Variants in LGSN observed in about 807,000 individuals in gnomAD.
LGSN encodes the protein lengsin.
In LGSN, 21 loss-of-function variants were observed where a neutral mutation model predicts 19.5. The ratio of observed to expected loss-of-function variants is 1.07; its 90% CI spans 0.76 to 1.55. The LOEUF (loss-of-function observed/expected upper bound fraction) is 1.55, where lower values mean the gene tolerates loss of function less well. Ranked by LOEUF, LGSN falls within the 40% of genes most tolerant of loss-of-function variation. LGSN has a pLI of 0.00. For missense variants in LGSN, 673 were observed against 608.5 expected, an observed-to-expected ratio of 1.11 and a Z score of -1.12; for synonymous variants, 257 against 215.6, an observed-to-expected ratio of 1.19 and a Z score of -1.68.
chr6:63,412,513 A>AGAAAGAAG, the LGSN span, among the ~76,000 whole-genome samples: 322 of 113,788 alleles, frequency 2.8e-3, no homozygotes, highest in East Asian at 3.9e-3. Flanking sequence ...AAAGAAAGAA[A>AGAAAGAAG]GAAAGAAAGA....
In LGSN at chr6:63,278,033, C is replaced by G. The variant is rs545881294; in HGVS notation, c.*1988G>C. 1 of 151,270 alleles carries G rather than the reference C, an allele frequency of 6.6e-6. No individual in the cohort carries two copies. Among genetic ancestry groups the G allele is most frequent in the African/African-American group, 2.4e-5 (1 of 41,176 alleles). The allele number at this position is 151,270 out of a possible 1,614,324, so 9.4% of individuals were successfully genotyped here. A position where few individuals can be genotyped will look rare whatever the true frequency, so the allele number is the denominator to read the frequency against. ...AGGTTGCAGTGAGCCAAGACCCCCCCACATTGCACTTCAGCCTGGGTGACA... is the reference window on the plus strand; with the variant it reads ...AGGTTGCAGTGAGCCAAGACCCCCCGACATTGCACTTCAGCCTGGGTGACA... On this transcript the variant is annotated 3_prime_UTR_variant, in exon 4 of 4. Coordinates refer to ENST00000370657, the MANE Select transcript of LGSN (RefSeq NM_016571.3).
the LGSN span, among the ~76,000 whole-genome samples, chr6:63,371,228 C>G: frequency 6.6e-6 from 1 of 152,208 alleles, no homozygotes; most frequent in African/African-American, 2.4e-5. Context: ...ATCCTGGGTG[C>G]TCTTCTAATG....
chr6:63,430,732 C>A, the LGSN span, among the ~76,000 whole-genome samples: 1 of 152,042 alleles, frequency 6.6e-6, no homozygotes, highest in Non-Finnish European at 1.5e-5. Flanking sequence ...GTGTTCCCTG[C>A]CAAGAGTCCA....
the LGSN span, among the ~76,000 whole-genome samples, chr6:63,476,101 T>G: frequency 0.012 from 1,889 of 152,136 alleles, 33 homozygotes; most frequent in African/African-American, 0.042. Flanking sequence ...TGTTTTTTGG[T>G]TTTTTTTACT....
the LGSN span, among the ~76,000 whole-genome samples, chr6:63,519,960 A>G: frequency 6.6e-6 from 1 of 152,328 alleles, no homozygotes; most frequent in East Asian, 1.9e-4. Context: ...GTAGATAATA[A>G]TTTTTACCCT....
the LGSN span, among the ~76,000 whole-genome samples, chr6:63,405,323 T>G: frequency 6.6e-6 from 1 of 152,144 alleles, no homozygotes; most frequent in Non-Finnish European, 1.5e-5. Context: ...ATATACCCAG[T>G]AATGGGATGG....
At chr6:63,354,794 T>C in the LGSN span, among the ~76,000 whole-genome samples, 46 of 152,182 alleles carry the variant, frequency 3.0e-4, no homozygotes, top group African/African-American at 1.1e-3. Flanking sequence ...GAATACTATT[T>C]AGCCATAAAA....
intron 2 of LGSN, among the ~76,000 whole-genome samples, chr6:63,286,988 C>G (rs79099456): frequency 0.037 from 5,625 of 152,216 alleles, 350 homozygotes; most frequent in African/African-American, 0.13. Flanking sequence ...AAGTCTGCAT[C>G]CAAACACCCA....
the LGSN span, among the ~76,000 whole-genome samples, chr6:63,400,499 A>G: frequency 6.6e-6 from 1 of 152,228 alleles, no homozygotes; most frequent in Non-Finnish European, 1.5e-5. Context: ...AAGATTAAAT[A>G]CAGTCAAGGG....
chr6:63,281,330 T>TATATATATATATATAA (rs1360072081), intron 3 of LGSN, 110 bp from the exon 4 acceptor site: 1 of 149,520 alleles, frequency 6.7e-6, no homozygotes, highest in Non-Finnish European at 1.3e-5. Context: ...TATATATATA[T>TATATATATATATATAA]AATAAATATA....
chr6:63,287,386 T>C (rs115711407), intron 2 of LGSN, among the ~76,000 whole-genome samples: 1 of 152,234 alleles, frequency 6.6e-6, no homozygotes, highest in African/African-American at 2.4e-5. Flanking sequence ...ACAAAATGTA[T>C]AGGCATTTTA....
chr6:63,283,853 C>G (rs1020580312), intron 3 of LGSN, among the ~76,000 whole-genome samples: 2 of 152,048 alleles, frequency 1.3e-5, no homozygotes, highest in African/African-American at 4.8e-5. Context: ...GCCCCTGCCA[C>G]CAGGCCCAGC....
At chr6:63,407,916 A>C in the LGSN span, among the ~76,000 whole-genome samples, 2 of 152,246 alleles carry the variant, frequency 1.3e-5, no homozygotes, top group Admixed American at 1.3e-4. Context: ...TCATGAGTGA[A>C]CTCCCATTCA....
chr6:63,552,414 T>A, the LGSN span, among the ~76,000 whole-genome samples: 1 of 152,188 alleles, frequency 6.6e-6, no homozygotes, highest in Non-Finnish European at 1.5e-5. Context: ...GTTTGAGTTC[T>A]TTGTAGATTC....
chr6:63,564,907 G>T, the LGSN span, among the ~76,000 whole-genome samples: 1 of 152,152 alleles, frequency 6.6e-6, no homozygotes, highest in Non-Finnish European at 1.5e-5. Context: ...ATGAGTTATG[G>T]ATAGATTCAT....
chr6:63,530,934 C>G, the LGSN span, among the ~76,000 whole-genome samples: 1 of 152,046 alleles, frequency 6.6e-6, no homozygotes. Context: ...AATGGAAAAT[C>G]CTTTAGAAAA....
chr6:63,401,106 C>T, the LGSN span, among the ~76,000 whole-genome samples: 12 of 152,074 alleles, frequency 7.9e-5, no homozygotes, highest in African/African-American at 2.9e-4. Flanking sequence ...TTTTCTATAC[C>T]TATGTCCTTC....
chr6:63,472,881 C>T, the LGSN span, among the ~76,000 whole-genome samples: 4 of 151,980 alleles, frequency 2.6e-5, no homozygotes, highest in Non-Finnish European at 5.9e-5. Flanking sequence ...GCGGAGCTTG[C>T]AGTGAGCCGA....
At chr6:63,300,930 T>A (rs1768154651) in intron 1 of LGSN, among the ~76,000 whole-genome samples, 1 of 152,190 alleles carries the variant, frequency 6.6e-6, no homozygotes, top group Admixed American at 6.6e-5. Flanking sequence ...CTTCCTAGGT[T>A]TTACACTGGA....
Sources: allele counts gnomAD v4.1 joint callset (sites outside exome capture counted in the v4.1 genomes callset), GRCh38; gene constraint gnomAD v4.1.1; transcripts MANE v1.5; gene names NCBI Gene and HGNC (gene_info 2026-07-23, HGNC 2026-07-21).